Variants in EPB41L2 observed in about 807,000 individuals in gnomAD.
The protein encoded by EPB41L2 is band 4.1-like protein 2.
In EPB41L2, 43 loss-of-function variants were observed where a neutral mutation model predicts 113.0. That is an observed-to-expected ratio of 0.38 (90% CI 0.30 to 0.49). EPB41L2 has a LOEUF of 0.49. Ranked by LOEUF, EPB41L2 falls within the 20% of genes least tolerant of loss-of-function variation. EPB41L2 has a pLI of 0.95. For missense variants in EPB41L2, 1,147 were observed against 1,223.4 expected (o/e 0.94, Z 0.93); for synonymous variants, 442 against 436.7 (o/e 1.01, Z -0.15).
chr6:131,011,379 C>T (rs749091245), intron 1 of EPB41L2, among the ~76,000 whole-genome samples: 15 of 152,296 alleles, frequency 9.8e-5, no homozygotes, highest in South Asian at 6.2e-4. Context: ...AAATTACAAA[C>T]GGTAGGCCCA....
chr6:131,025,835 G>T (rs73774384), intron 1 of EPB41L2, among the ~76,000 whole-genome samples: 3,974 of 152,210 alleles, frequency 0.026, 191 homozygotes, highest in African/African-American at 0.091. Flanking sequence ...TTACTTCCCT[G>T]CCAGCAATCT....
intron 1 of EPB41L2, among the ~76,000 whole-genome samples, chr6:130,975,283 G>C (rs138469583): frequency 5.6e-4 from 85 of 152,270 alleles, no homozygotes; most frequent in African/African-American, 1.9e-3. Flanking sequence ...CAGGAAATTA[G>C]GTTTATCCTC....
intron 1 of EPB41L2, among the ~76,000 whole-genome samples, chr6:130,963,323 G>GC (rs929969722): frequency 6.6e-6 from 1 of 152,112 alleles, no homozygotes; most frequent in African/African-American, 2.4e-5. Context: ...TACTCCCACT[G>GC]CATTTTACAA....
At chr6:130,995,986 T>C (rs1204116976) in intron 1 of EPB41L2, among the ~76,000 whole-genome samples, 1 of 152,216 alleles carries the variant, frequency 6.6e-6, no homozygotes, top group Admixed American at 6.5e-5. Flanking sequence ...TCCTGTTCTA[T>C]TATCTGTATA....
intron 4 of EPB41L2, among the ~76,000 whole-genome samples, chr6:130,921,060 G>A (rs1191551970): frequency 6.6e-6 from 1 of 151,940 alleles, no homozygotes; most frequent in Admixed American, 6.6e-5. Context: ...TAGCTAACAG[G>A]TGGCAGTCAC....
At chr6:130,958,471 A>AACAAAC (rs1818251212) in intron 1 of EPB41L2, among the ~76,000 whole-genome samples, 1 of 90,318 alleles carries the variant, frequency 1.1e-5, no homozygotes, top group African/African-American at 6.3e-5. Context: ...ACAACAACAA[A>AACAAAC]AAAAAAAAAA....
intron 8 of EPB41L2, among the ~76,000 whole-genome samples, chr6:130,898,640 C>T (rs1264577210): frequency 6.6e-6 from 1 of 152,032 alleles, no homozygotes; most frequent in Admixed American, 6.6e-5. Context: ...TCTTTATGAA[C>T]AGGATTTGTC....
rs1211050474 is a variant in EPB41L2 at position 130,890,355 on chromosome 6, A to C, written c.1599T>G (p.Asp533Glu). 8 of 1,613,828 alleles carry C rather than the reference A, an allele frequency of 5.0e-6. No individual in the cohort carries two copies. In the South Asian group the frequency reaches 5.5e-5, roughly 11 times the overall value. The change falls in exon 11 of 20, where the codon GAT becomes GAG. Residue 533 changes from aspartate (D) to glutamate (E), a missense_variant. Asp to Glu is a conservative substitution (Grantham distance 45). Transcript: ENST00000337057. ...TGCGCTCAAAGTGTGGTGCTGGCCTATCTATGAGGGTGCTGGCCTGGCGGG... is the reference window on the plus strand; with the variant it reads ...TGCGCTCAAAGTGTGGTGCTGGCCTCTCTATGAGGGTGCTGGCCTGGCGGG... ...AQTRQASTLI[D>E]RPAPHFERTS...
chr6:130,905,103 T>C (rs569475898), intron 5 of EPB41L2, among the ~76,000 whole-genome samples: 2 of 152,218 alleles, frequency 1.3e-5, no homozygotes, highest in East Asian at 3.9e-4. Flanking sequence ...ATTTCCCAGG[T>C]TTTAGTAGAG....
At chr6:130,859,354 C>G (rs907359593) in intron 18 of EPB41L2, among the ~76,000 whole-genome samples, 1 of 152,002 alleles carries the variant, frequency 6.6e-6, no homozygotes, top group Non-Finnish European at 1.5e-5. Flanking sequence ...AACCCAGTCT[C>G]TACTAAAAAC....
At chr6:131,007,355 C>T (rs1785838533) in intron 1 of EPB41L2, among the ~76,000 whole-genome samples, 2 of 152,192 alleles carry the variant, frequency 1.3e-5, no homozygotes, top group South Asian at 4.1e-4. Flanking sequence ...GAGGCTTCCC[C>T]AGCCAAATGG....
At chr6:130,927,179 T>C (rs1202091954) in intron 3 of EPB41L2, among the ~76,000 whole-genome samples, 1 of 152,206 alleles carries the variant, frequency 6.6e-6, no homozygotes, top group African/African-American at 2.4e-5. Flanking sequence ...ATCTGTAGAA[T>C]AGAATTTTAT....
At position 130,870,030 on chromosome 6, in the gene EPB41L2, T is replaced by C; in HGVS notation, c.2140A>G (p.Ile714Val). Residue 714 changes from isoleucine to valine, a missense_variant, in exon 15 of 20, where the codon ATA becomes GTA. By Grantham distance (29) the Ile-to-Val change is conservative. Transcript: ENST00000337057. Reference sequence around the variant, plus strand: ...TCCCCAGGACCACTCCCAGGTGATATCTCTTTACCATTCATTTCTTCTGTG... The same window carrying C: ...TCCCCAGGACCACTCCCAGGTGATACCTCTTTACCATTCATTTCTTCTGTG... ...VITEEMNGKE[I>V]SPGSGPGEIR... is the part of the protein sequence containing the mutation. 2 of 1,614,030 alleles carry C rather than the reference T, an allele frequency of 1.2e-6. No homozygotes were observed. The highest frequency in any genetic ancestry group is 1.7e-6 in the Non-Finnish European group (2 of 1,180,024).
At chr6:131,036,688 T>C (rs1793386909) in intron 1 of EPB41L2, among the ~76,000 whole-genome samples, 1 of 152,218 alleles carries the variant, frequency 6.6e-6, no homozygotes, top group Non-Finnish European at 1.5e-5. Flanking sequence ...GATTCTAAGA[T>C]TCTGATACAA....
chr6:131,017,049 CACTATGAA>C (rs1450850764), intron 1 of EPB41L2, among the ~76,000 whole-genome samples: 2 of 152,032 alleles, frequency 1.3e-5, no homozygotes, highest in African/African-American at 4.8e-5. Context: ...GTTGGAAAAA[CACTATGAA>C]ACTATTATAA....
chr6:131,035,515 C>G (rs1332491), intron 1 of EPB41L2, among the ~76,000 whole-genome samples: 1 of 152,084 alleles, frequency 6.6e-6, no homozygotes, highest in Admixed American at 6.5e-5. Context: ...ATCTTTCCAA[C>G]TGAAGTCAAT....
chr6:130,992,841 G>A (rs554346327), intron 1 of EPB41L2, among the ~76,000 whole-genome samples: 3 of 152,098 alleles, frequency 2.0e-5, no homozygotes, highest in Non-Finnish European at 2.9e-5. Flanking sequence ...TGGCCAGGAC[G>A]GTCTTGACCT....
At chr6:131,002,216 TCA>T (rs1424255651) in intron 1 of EPB41L2, among the ~76,000 whole-genome samples, 2 of 152,036 alleles carry the variant, frequency 1.3e-5, no homozygotes, top group Non-Finnish European at 2.9e-5. Context: ...AACTATAAAC[TCA>T]CACAGAGAAG....
chr6:130,894,638 C>T (rs998013840), intron 9 of EPB41L2, among the ~76,000 whole-genome samples, 197 bp from the exon 10 acceptor site: 5 of 152,124 alleles, frequency 3.3e-5, no homozygotes, highest in African/African-American at 9.7e-5. Context: ...CAAGTAACAA[C>T]GGCTCACATA....
Sources: allele counts gnomAD v4.1 joint callset (sites outside exome capture counted in the v4.1 genomes callset), GRCh38; gene constraint gnomAD v4.1.1; transcripts MANE v1.5; gene names NCBI Gene and HGNC (gene_info 2026-07-23, HGNC 2026-07-21).